The following SLC25A19 variants were observed in gnomAD, a reference collection of about 807,000 sequenced individuals.
SLC25A19 encodes the protein solute carrier family 25 member 19.
SLC25A19 carries 18 observed loss-of-function variants against 27.9 expected under a neutral mutation model. The observed-to-expected ratio is 0.64, with a 90% CI of 0.45 to 0.96. The LOEUF is 0.96. SLC25A19 is among the 40% of genes least tolerant of loss of function. The pLI is 0.00. For missense variants in SLC25A19, 371 were observed against 418.3 expected (o/e 0.89, Z 0.99); for synonymous variants, 169 against 167.1 (o/e 1.01, Z -0.09).
intron 6 of SLC25A19, among the ~76,000 whole-genome samples, chr17:75,277,711 C>T (rs924225763): frequency 6.6e-6 from 1 of 152,018 alleles, no homozygotes; most frequent in Non-Finnish European, 1.5e-5. Context: ...GGTTGGAGGC[C>T]GCAGTCCCCC....
In SLC25A19 at chr17:75,286,662, G is replaced by A. The variant is rs916696875; in HGVS notation, c.103C>T (p.Pro35Ser). The change falls in exon 3 of 8, where the codon CCC becomes TCC. Residue 35 changes from proline (P) to serine (S), a missense_variant. Transcript: ENST00000416858. Reference sequence around the variant, plus strand: ...AAACGGATCTTGATGACGTCGAAGGGACTGATCAGCGCCCGAGTAACAAGT... The same window carrying A: ...AAACGGATCTTGATGACGTCGAAGGAACTGATCAGCGCCCGAGTAACAAGT... ...SGLVTRALIS[P>S]FDVIKIRFQL... is the part of the protein sequence containing the mutation. 8.1e-6 allele frequency: 13 copies of A among 1,614,154 alleles called. No individual in the cohort carries two copies. The highest frequency in any genetic ancestry group is 1.1e-5 in the South Asian group (1 of 91,072).
At chr17:75,288,890 G>A (rs1279161612) in intron 1 of SLC25A19, 1 of 152,190 alleles carries the variant, frequency 6.6e-6, no homozygotes, top group African/African-American at 2.4e-5. Context: ...CCTCTCCAGG[G>A]GTTACCCAGG....
At chr17:75,277,320 T>C in intron 7 of SLC25A19, 33 bp downstream of exon 7, 4 of 1,610,214 alleles carry the variant, frequency 2.5e-6, no homozygotes, top group Non-Finnish European at 3.4e-6. Flanking sequence ...ATGGCAAGGG[T>C]CAGAGCTGTC....
intron 4 of SLC25A19, 99 bp downstream of exon 4, chr17:75,286,205 G>A (rs371172725): frequency 1.0e-5 from 15 of 1,478,762 alleles, no homozygotes; most frequent in East Asian, 6.8e-5. Flanking sequence ...TGCCTCTTCC[G>A]TCCTGCCCTG....
At chr17:75,281,988 T>C (rs2078048977) in intron 5 of SLC25A19, among the ~76,000 whole-genome samples, 1 of 151,492 alleles carries the variant, frequency 6.6e-6, no homozygotes, top group African/African-American at 2.4e-5. Flanking sequence ...ACTCAACCTC[T>C]GCCGAGTGCG....
At chr17:75,282,462 C>T (rs763908117) in intron 5 of SLC25A19, among the ~76,000 whole-genome samples, 19 of 152,014 alleles carry the variant, frequency 1.2e-4, no homozygotes, top group Non-Finnish European at 2.5e-4. Flanking sequence ...GGCAGGAGAA[C>T]TGCTTGAAAT....
intron 4 of SLC25A19, among the ~76,000 whole-genome samples, chr17:75,285,635 G>T (rs866275102): frequency 1.4e-4 from 22 of 152,184 alleles, no homozygotes; most frequent in African/African-American, 5.3e-4. Flanking sequence ...CAGTGGCTTT[G>T]GTTGGGTTAA....
intron 4 of SLC25A19, among the ~76,000 whole-genome samples, chr17:75,285,708 C>T (rs1407100926): frequency 6.6e-6 from 1 of 152,238 alleles, no homozygotes; most frequent in Non-Finnish European, 1.5e-5. Flanking sequence ...ACAGCCCCTA[C>T]CTTAAGGACT....
intron 5 of SLC25A19, 26 bp downstream of exon 5, chr17:75,283,396 TC>T (rs766751262): frequency 1.9e-6 from 3 of 1,610,032 alleles, no homozygotes; most frequent in South Asian, 2.2e-5. Context: ...TATTTGGGCT[TC>T]CCCGGTCTGG....
At position 75,278,168 on chromosome 17, in the gene SLC25A19, G is replaced by T; in HGVS notation, c.627C>A (p.Ala209=). 1 of 1,613,642 alleles carries T rather than the reference G, an allele frequency of 6.2e-7. No individual in the cohort carries two copies. Among genetic ancestry groups the T allele is most frequent in the Non-Finnish European group, 8.5e-7 (1 of 1,180,000 alleles). The change falls in exon 6 of 8, where the codon GCC becomes GCA. Residue 209 remains alanine, a synonymous_variant. Transcript: ENST00000416858. The part of the protein sequence containing the change: ...LKHLYKWAIP[A]EGKKNENLQN... ...CTGCCTCACCATTTTTCTTTCCTTC[G>T]GCTGGTATGGCCCACTTGTACAGGT...
chr17:75,288,224 C>A (rs1392396191), intron 2 of SLC25A19: 1 of 152,168 alleles, frequency 6.6e-6, no homozygotes, highest in Non-Finnish European at 1.5e-5. Context: ...ACCTCTTCAG[C>A]CTCACTCTGG....
intron 3 of SLC25A19, 24 bp downstream of exon 3, chr17:75,286,609 T>A (rs1470713163): frequency 2.5e-6 from 4 of 1,614,070 alleles, no homozygotes; most frequent in Non-Finnish European, 1.7e-6. Context: ...TCCAGTCCAT[T>A]GCATGGAAAA....
In SLC25A19 at chr17:75,283,501, C is replaced by CA; in HGVS notation, c.380dup (p.Ala128GlyfsTer24). On this transcript the variant is annotated frameshift_variant, in exon 5 of 8. Coordinates refer to ENST00000416858, the MANE Select transcript of SLC25A19 (RefSeq NM_001126121.2). LOFTEE classifies it high-confidence loss of function. ...CAGTGAGGGTGGCCATACAGGCAGC[C>CA]AGGCCACCACATACAAAGTGCACTG... 6.2e-7 allele frequency: 1 copy of CA among 1,613,622 alleles called. No homozygotes were observed. Among genetic ancestry groups the CA allele is most frequent in the South Asian group, 1.1e-5 (1 of 90,968 alleles).
Position 75,278,311 on chromosome 17 carries a change from C to T in SLC25A19, c.484G>A (p.Val162Met), listed in dbSNP as rs138452752. 262 of 1,614,082 alleles carry T rather than the reference C, an allele frequency of 1.6e-4. 2 individuals carry two copies. In the East Asian group the frequency reaches 5.4e-3, roughly 33 times the overall value. Residue 162 changes from valine to methionine, a missense_variant, in exon 6 of 8, where the codon GTG becomes ATG. Physicochemically the swap from Val to Met is conservative, Grantham distance 21. Coordinates refer to ENST00000416858, the MANE Select transcript of SLC25A19 (RefSeq NM_001126121.2). The stretch of plus-strand genomic sequence containing the variant: ...CCTTCGCTCCTATACATGGTCCCCA[C>T]GGCGTGGCGCAGCGTATTATAGACC... ...PKVYNTLRHA[V>M]GTMYRSEGPQ...
At chr17:75,278,401 T>C in intron 5 of SLC25A19, 66 bp from the exon 6 acceptor site, 1 of 1,575,884 alleles carries the variant, frequency 6.3e-7, no homozygotes, top group Non-Finnish European at 8.7e-7. Context: ...CAGCCCATCA[T>C]AGCTCTGTCC....
intron 5 of SLC25A19, among the ~76,000 whole-genome samples, chr17:75,282,712 C>T (rs978712510): frequency 2.6e-5 from 4 of 151,456 alleles, no homozygotes; most frequent in East Asian, 2.0e-4. Flanking sequence ...ATTAGCTGGG[C>T]GTGGTGGCGG....
At chr17:75,285,345 G>C (rs1478618914) in intron 4 of SLC25A19, among the ~76,000 whole-genome samples, 2 of 152,158 alleles carry the variant, frequency 1.3e-5, no homozygotes, top group African/African-American at 4.8e-5. Context: ...CATGATCGTG[G>C]CTCACTGCAG....
In SLC25A19 at chr17:75,280,542, C is replaced by T. The variant is rs578113603; in HGVS notation, c.460-2207G>A. Among the ~76,000 whole-genome samples the T allele has an allele frequency of 3.4e-3, 522 of 152,060 alleles. 2 individuals carry two copies. The highest frequency in any genetic ancestry group is 0.012 in the African/African-American group (494 of 41,456). ...AAAATTAGCCAGGCATGGCCAGGCGCGGTGGCTCACGCCTGTAATCTTAGC... is the reference window on the plus strand; with the variant it reads ...AAAATTAGCCAGGCATGGCCAGGCGTGGTGGCTCACGCCTGTAATCTTAGC... On this transcript the variant is annotated intron_variant, in intron 5 of 7. Coordinates refer to ENST00000416858, the MANE Select transcript of SLC25A19 (RefSeq NM_001126121.2).
chr17:75,273,616 C>T lies in SLC25A19; in HGVS notation c.798G>A (p.Met266Ile). The change falls in exon 8 of 8, where the codon ATG becomes ATA. Residue 266 changes from methionine to isoleucine, a missense_variant. Transcript: ENST00000416858. ...FGQVRRYKGL[M>I]DCAKQVLQKE... The stretch of plus-strand genomic sequence containing the variant: ...TTTGCAGCACCTGCTTGGCACAGTC[C>T]ATGAGGCCCTTGTATCTCCGTACCT... 1 of 1,612,982 alleles carries T rather than the reference C, an allele frequency of 6.2e-7. No homozygotes were observed. Among genetic ancestry groups the T allele is most frequent in the South Asian group, 1.1e-5 (1 of 91,030 alleles).
Sources: allele counts gnomAD v4.1 joint callset (sites outside exome capture counted in the v4.1 genomes callset), GRCh38; gene constraint gnomAD v4.1.1; transcripts MANE v1.5; gene names NCBI Gene and HGNC (gene_info 2026-07-23, HGNC 2026-07-21).